Variants in MICAL3 observed in about 807,000 individuals in gnomAD.
MICAL3 encodes [F-actin]-monooxygenase MICAL3.
MICAL3 carries 62 observed loss-of-function variants against 207.4 expected under a neutral mutation model. The observed-to-expected ratio is 0.30, with a 90% confidence interval of 0.24 to 0.37. MICAL3 has a LOEUF of 0.37. Ranked by LOEUF, MICAL3 falls within the 10% of genes least tolerant of loss-of-function variation. The pLI is 1.00. For synonymous variants in MICAL3, 1,077 were observed against 1,069.3 expected, an observed-to-expected ratio of 1.01 and a Z score of -0.14; for missense variants, 2,368 against 2,635.6, an observed-to-expected ratio of 0.90 and a Z score of 2.22.
At chr22:17,822,497 C>T (rs888274366) in intron 23 of MICAL3, among the ~76,000 whole-genome samples, 1 of 152,218 alleles carries the variant, frequency 6.6e-6, no homozygotes, top group East Asian at 1.9e-4. Context: ...CCTGGCCTCA[C>T]GGGCCCACTT....
chr22:17,849,075 A>G (rs1473146115), intron 19 of MICAL3, among the ~76,000 whole-genome samples: 1 of 152,216 alleles, frequency 6.6e-6, no homozygotes, highest in African/African-American at 2.4e-5. Context: ...AGAGTTTTCC[A>G]AGATCACATG....
At chr22:17,848,316 T>C (rs900330863) in intron 19 of MICAL3, among the ~76,000 whole-genome samples, 9 of 152,104 alleles carry the variant, frequency 5.9e-5, no homozygotes, top group Admixed American at 1.3e-4. Flanking sequence ...CCCGTTCAAG[T>C]TGGAAACAGT....
chr22:17,791,996 C>T (rs978703521), intron 29 of MICAL3, among the ~76,000 whole-genome samples: 1 of 152,240 alleles, frequency 6.6e-6, no homozygotes, highest in African/African-American at 2.4e-5. Flanking sequence ...ACGCCCTGCC[C>T]TGGTCCAATC....
At chr22:17,861,624 G>C (rs1363474701) in intron 19 of MICAL3, 2 of 985,296 alleles carry the variant, frequency 2.0e-6, no homozygotes, top group African/African-American at 3.5e-5. Context: ...TCCTTTCTCT[G>C]CCTATTGTTC....
chr22:17,955,483 C>T (rs1458770418), intron 1 of MICAL3, among the ~76,000 whole-genome samples: 1 of 152,192 alleles, frequency 6.6e-6, no homozygotes, highest in East Asian at 1.9e-4. Context: ...GAGGAATGGG[C>T]CGTACTTAGC....
chr22:17,895,600 C>T (rs1930758052), intron 9 of MICAL3, among the ~76,000 whole-genome samples, 190 bp from the exon 10 acceptor site: 1 of 151,930 alleles, frequency 6.6e-6, no homozygotes, highest in Admixed American at 6.6e-5. Flanking sequence ...CCACAGGAAC[C>T]GACCGGGTAA....
intron 7 of MICAL3, 127 bp downstream of exon 7, chr22:17,899,321 G>A: frequency 1.4e-6 from 1 of 727,584 alleles, no homozygotes; most frequent in South Asian, 1.5e-5. Context: ...AACATCAGGG[G>A]TTACCAGAAG....
rs779189744 is a variant in MICAL3 at position 17,788,283 on chromosome 22, C to T, written c.*2449G>A. 5 of 152,442 alleles carry T rather than the reference C, an allele frequency of 3.3e-5. No individual in the cohort carries two copies. The highest frequency in any genetic ancestry group is 1.9e-4 in the East Asian group (1 of 5,190). 9.4% of individuals were successfully genotyped at this position (152,442 alleles called of 1,614,324 possible). ...TCTGCGGCGCCTCTCTGCAAAGGCT[C>T]GGGTCCACCTTCCAGACTGCAGGCT... On this transcript the variant is annotated 3_prime_UTR_variant, in exon 32 of 32. Coordinates refer to ENST00000441493, the MANE Select transcript of MICAL3 (RefSeq NM_015241.3).
chr22:17,801,690 T>TG (rs2061941700), intron 29 of MICAL3, among the ~76,000 whole-genome samples: 1 of 151,474 alleles, frequency 6.6e-6, no homozygotes, highest in South Asian at 2.1e-4. Context: ...AGTCAGGAGT[T>TG]GGAGACCAGC....
At chr22:17,890,671 A>AT (rs1930323689) in intron 12 of MICAL3, among the ~76,000 whole-genome samples, 1 of 152,220 alleles carries the variant, frequency 6.6e-6, no homozygotes, top group Non-Finnish European at 1.5e-5. Context: ...AATAGCAACT[A>AT]TATCTTGTAG....
In MICAL3 at chr22:17,818,997, G is replaced by A; in HGVS notation, c.3664C>T (p.Pro1222Ser). 1.2e-6 allele frequency: 2 copies of A among 1,609,746 alleles called. No homozygotes were observed. Among genetic ancestry groups the A allele is most frequent in the South Asian group, 1.1e-5 (1 of 90,632 alleles). Residue 1222 changes from proline to serine, a missense_variant, in exon 26 of 32, where the codon CCC becomes TCC. Transcript: ENST00000441493. ...AGGGTCACTGGCTGTGATCGGATGG[G>A]AGAGTGCACAGCTTTCAGATCCGAG... ...APSDLKAVHSPIRSQPVTLPE... is the reference protein window; with the variant it reads ...APSDLKAVHSSIRSQPVTLPE...
intron 12 of MICAL3, among the ~76,000 whole-genome samples, chr22:17,891,177 G>A (rs1436231893): frequency 6.6e-6 from 1 of 152,028 alleles, no homozygotes; most frequent in Admixed American, 6.6e-5. Flanking sequence ...TTTGTGGGAA[G>A]CTAACAGGCC....
chr22:17,842,639 G>A lies in MICAL3; in HGVS notation c.2606-622C>T, dbSNP rs550739384. ...TGCTCAGAGGAAGGACACCAGGCCC[G>A]ACCGCTCACAGAGGTGGCACCCAGG... On this transcript the variant is annotated intron_variant, in intron 19 of 31. Coordinates refer to ENST00000441493, the MANE Select transcript of MICAL3 (RefSeq NM_015241.3). 8.5e-5 allele frequency among the ~76,000 whole-genome samples: 13 copies of A among 152,336 alleles called. No homozygotes were observed. In the South Asian group the frequency reaches 1.0e-3, roughly 12 times the overall value.
At chr22:17,803,733 G>T (rs1384968694) in intron 29 of MICAL3, 2 of 705,652 alleles carry the variant, frequency 2.8e-6, no homozygotes, top group Non-Finnish European at 3.5e-6. Flanking sequence ...CCTTGTTTTT[G>T]TGAGCAGGGA....
intron 28 of MICAL3, among the ~76,000 whole-genome samples, chr22:17,810,348 C>G (rs533326562): frequency 2.5e-4 from 38 of 152,272 alleles, no homozygotes; most frequent in African/African-American, 8.4e-4. Context: ...TAGGCATGAG[C>G]CACCGCACCC....
At chr22:17,825,260 A>T (rs1301408702) in intron 22 of MICAL3, among the ~76,000 whole-genome samples, 11 of 149,700 alleles carry the variant, frequency 7.3e-5, no homozygotes, top group African/African-American at 2.5e-4. Flanking sequence ...CGTCACAGAT[A>T]AAAAAAAATA....
intron 19 of MICAL3, among the ~76,000 whole-genome samples, chr22:17,848,196 A>C (rs1414709560): frequency 6.6e-6 from 1 of 152,218 alleles, no homozygotes; most frequent in Non-Finnish European, 1.5e-5. Context: ...CCTGATCCAC[A>C]GTTCTCAGAA....
chr22:17,906,910 G>A, intron 1 of MICAL3, 24 bp from the exon 2 acceptor site: 2 of 1,229,408 alleles, frequency 1.6e-6, no homozygotes, highest in African/African-American at 1.5e-5. Context: ...AGAAAAACGT[G>A]GTTAGCATTT....
intron 19 of MICAL3, among the ~76,000 whole-genome samples, chr22:17,843,645 C>T (rs960312091): frequency 6.6e-6 from 1 of 152,234 alleles, no homozygotes; most frequent in Admixed American, 6.5e-5. Flanking sequence ...CACACGGTCA[C>T]CTTCCTCTTC....
Sources: gnomAD v4.1 joint callset for allele counts (sites outside exome capture counted in the v4.1 genomes callset) on GRCh38, gnomAD v4.1.1 for gene constraint, MANE v1.5 for transcripts, NCBI Gene and HGNC (gene_info 2026-07-23, HGNC 2026-07-21) for gene names.